NIN: variants seen among roughly 807,000 people sequenced by gnomAD.
NIN encodes ninein, also known as glycogen synthase kinase 3 beta-interacting protein.
NIN carries 137 observed loss-of-function variants against 257.6 expected under a neutral mutation model. The observed-to-expected ratio is 0.53, with a 90% CI of 0.46 to 0.61. The LOEUF (loss-of-function observed/expected upper bound fraction) is 0.61, where lower values mean the gene tolerates loss of function less well. Among genes scored for constraint, NIN ranks in the 20% least tolerant of loss-of-function variants. The pLI, the probability that NIN is intolerant of heterozygous loss-of-function variation, is 0.00. For missense variants in NIN, 2,439 were observed against 2,501.2 expected, an observed-to-expected ratio of 0.98 and a Z score of 0.53; for synonymous variants, 918 against 919.8, an observed-to-expected ratio of 1.00 and a Z score of 0.04.
At chr14:50,831,376 C>T (rs917666252), upstream of NIN, among the ~76,000 whole-genome samples, 3 of 152,148 alleles carry the variant, frequency 2.0e-5, no homozygotes, top group African/African-American at 7.2e-5. Flanking sequence ...GCCCCGAGGT[C>T]GCCACCGAGC....
chr14:50,771,216 T>G, intron 10 of NIN, 116 bp downstream of exon 10: 1 of 1,295,052 alleles, frequency 7.7e-7, no homozygotes, highest in East Asian at 2.4e-5. Context: ...AGCAGTTGGA[T>G]AGAAGATGAG....
Position 50,752,695 on chromosome 14 carries a change from C to T in NIN, c.4773G>A (p.Leu1591=). Residue 1591 remains leucine, a synonymous_variant, in exon 21 of 31, where the codon TTG becomes TTA. Transcript: ENST00000530997. The part of the protein sequence containing the change: ...ELKIKNQQLD[L]ENTELSQKNS... ...TCTTTTGGCTAAGTTCTGTATTTTC[C>T]AAATCCAATTGTTGGTTTTTGATTT... The T allele has an allele frequency of 6.2e-7, 1 of 1,602,616 alleles. No homozygotes were observed. Among genetic ancestry groups the T allele is most frequent in the South Asian group, 1.1e-5 (1 of 87,522 alleles).
intron 28 of NIN, among the ~76,000 whole-genome samples, chr14:50,733,108 T>C (rs2040801956): frequency 6.6e-6 from 1 of 151,892 alleles, no homozygotes; most frequent in Admixed American, 6.6e-5. Flanking sequence ...ATTTTTTTTT[T>C]TTGAGATGGA....
At chr14:50,825,351 G>A (rs750515313) in intron 2 of NIN, among the ~76,000 whole-genome samples, 4 of 152,164 alleles carry the variant, frequency 2.6e-5, no homozygotes, top group Non-Finnish European at 5.9e-5. Flanking sequence ...AATGGCAGCA[G>A]GTAATGTTCA....
At chr14:50,811,269 C>T (rs1025548309) in intron 3 of NIN, among the ~76,000 whole-genome samples, 1 of 151,836 alleles carries the variant, frequency 6.6e-6, no homozygotes, top group Admixed American at 6.6e-5. Context: ...CCACCACGCC[C>T]AGCTAATTTT....
intron 30 of NIN, 82 bp from the exon 31 acceptor site, chr14:50,723,754 G>T: frequency 8.3e-7 from 1 of 1,207,570 alleles, no homozygotes. Context: ...CATAAGGACA[G>T]TTGTTTTATA....
chr14:50,768,337 G>C (rs902620050), intron 12 of NIN, among the ~76,000 whole-genome samples: 2 of 151,996 alleles, frequency 1.3e-5, no homozygotes, highest in African/African-American at 4.8e-5. Context: ...CCTAAATGTA[G>C]AGCCTAGAAC....
intron 14 of NIN, among the ~76,000 whole-genome samples, chr14:50,764,885 G>A (rs556576669): frequency 2.0e-5 from 3 of 151,786 alleles, no homozygotes; most frequent in South Asian, 2.1e-4. Flanking sequence ...AATTGAATGC[G>A]GTGATGTTTG....
chr14:50,749,742 T>A (rs1382344112), intron 21 of NIN, among the ~76,000 whole-genome samples: 1 of 152,178 alleles, frequency 6.6e-6, no homozygotes, highest in Non-Finnish European at 1.5e-5. Flanking sequence ...CAGGCTGAAG[T>A]GCAGTGGTGC....
chr14:50,785,539 G>A (rs1310203867), intron 5 of NIN, among the ~76,000 whole-genome samples: 1 of 152,176 alleles, frequency 6.6e-6, no homozygotes. Context: ...GAAGAGGAAG[G>A]AAATGTACTA....
chr14:50,799,504 C>T (rs2043989124), intron 4 of NIN, among the ~76,000 whole-genome samples: 1 of 152,304 alleles, frequency 6.6e-6, no homozygotes, highest in African/African-American at 2.4e-5. Flanking sequence ...AGTGTAATGA[C>T]GTTATCCAGT....
chr14:50,738,086 A>G, intron 27 of NIN, 54 bp downstream of exon 27: 2 of 1,570,282 alleles, frequency 1.3e-6, no homozygotes, highest in Non-Finnish European at 1.7e-6. Context: ...AACACACTTA[A>G]GAACGCATTA....
At chr14:50,785,362 C>T (rs1379947145) in intron 5 of NIN, among the ~76,000 whole-genome samples, 1 of 152,266 alleles carries the variant, frequency 6.6e-6, no homozygotes, top group African/African-American at 2.4e-5. Context: ...TTGCGCCCCG[C>T]AGAATGTACG....
intron 2 of NIN, among the ~76,000 whole-genome samples, chr14:50,827,785 A>G (rs2045530644): frequency 6.6e-6 from 1 of 151,440 alleles, no homozygotes; most frequent in Non-Finnish European, 1.5e-5. Flanking sequence ...AAAGAAAAAG[A>G]AAAATAACAA....
chr14:50,772,500 G>C, intron 8 of NIN, 32 bp from the exon 9 acceptor site: 1 of 1,606,812 alleles, frequency 6.2e-7, no homozygotes, highest in Non-Finnish European at 8.5e-7. Flanking sequence ...AGTAAGCCTA[G>C]CTTGATTCCA....
Position 50,821,860 on chromosome 14 carries a change from T to A in NIN, c.183+14A>T, listed in dbSNP as rs559398704. ...ACCCCACTTCCCATAGCCACGTTCT[T>A]CCCCAGACCTTACCCTGCCCAAGAG... On this transcript the variant is annotated intron_variant, in intron 3 of 30. Coordinates refer to ENST00000530997, the MANE Select transcript of NIN (RefSeq NM_020921.4). 11 of 1,607,850 alleles carry A rather than the reference T, an allele frequency of 6.8e-6. No individual in the cohort carries two copies. In the East Asian group the frequency reaches 1.8e-4, roughly 26 times the overall value.
chr14:50,770,952 G>A lies in NIN; in HGVS notation c.1159C>T (p.Arg387Trp), dbSNP rs753139439. The A allele has an allele frequency of 5.6e-6, 9 of 1,614,010 alleles. No homozygotes were observed. The highest frequency in any genetic ancestry group is 2.7e-5 in the African/African-American group (2 of 74,922). ...TTCTCGGCCTTGTCCAGATCTGACC[G>A]TAGCTTCTCTTTTTCTCTGACCACC... ...DQVVREKEKL[R>W]SDLDKAEKLK... The change falls in exon 11 of 31, where the codon CGG (arginine) becomes TGG (tryptophan). Residue 387 changes from arginine to tryptophan, a missense_variant. Around this residue, in one of 3 missense-constraint regions of NIN, gnomAD observed 2,043 missense variants for 2,050.2 expected, o/e 1.00. Transcript: ENST00000530997.
intron 4 of NIN, among the ~76,000 whole-genome samples, chr14:50,798,243 T>A (rs2043931251): frequency 6.6e-6 from 1 of 152,118 alleles, no homozygotes; most frequent in South Asian, 2.1e-4. Context: ...TTTAATTAGG[T>A]CTTTCAGTTC....
chr14:50,762,771 C>T (rs1432112942), intron 15 of NIN, among the ~76,000 whole-genome samples: 1 of 152,180 alleles, frequency 6.6e-6, no homozygotes, highest in Non-Finnish European at 1.5e-5. Context: ...TGGGGATACA[C>T]AGGCAGATGG....
Sources: allele counts gnomAD v4.1 joint callset (sites outside exome capture counted in the v4.1 genomes callset), GRCh38; gene constraint gnomAD v4.1.1; regional missense constraint gnomAD v4.1.1; transcripts MANE v1.5; gene names NCBI Gene and HGNC (gene_info 2026-07-23, HGNC 2026-07-21).